Variants in SPIDR observed in about 807,000 individuals in gnomAD.
SPIDR encodes the protein DNA repair-scaffolding protein.
In SPIDR, 93 loss-of-function variants were observed where a neutral mutation model predicts 104.6. The ratio of observed to expected loss-of-function variants is 0.89; its 90% CI spans 0.75 to 1.06. SPIDR has a LOEUF of 1.06. SPIDR is among the 50% of genes least tolerant of loss of function. The pLI is 0.00. For missense variants in SPIDR, 1,154 were observed against 1,111.2 expected, an observed-to-expected ratio of 1.04 and a Z score of -0.55; for synonymous variants, 431 against 416.9, an observed-to-expected ratio of 1.03 and a Z score of -0.41.
chr8:47,453,036 A>G lies in SPIDR; in HGVS notation c.1097+12494A>G, dbSNP rs184882093. On this transcript the variant is annotated intron_variant, in intron 8 of 19. Transcript: ENST00000297423. ...AAGTCTCAGGATACAAAATCAATGT[A>G]CAAAAATCACAAGCATTCTTATACA... Among the ~76,000 whole-genome samples, 571 of 152,242 alleles carry G rather than the reference A, an allele frequency of 3.8e-3. 7 individuals carry two copies. Among genetic ancestry groups the G allele is most frequent in the African/African-American group, 0.012 (508 of 41,546 alleles).
At chr8:47,573,398 T>A (rs1188644276) in intron 8 of SPIDR, among the ~76,000 whole-genome samples, 2 of 152,248 alleles carry the variant, frequency 1.3e-5, no homozygotes, top group African/African-American at 2.4e-5. Flanking sequence ...TCAGTAGTCC[T>A]CTGTGATAAG....
intron 5 of SPIDR, among the ~76,000 whole-genome samples, chr8:47,349,699 G>A (rs558320505): frequency 6.0e-4 from 92 of 152,330 alleles, no homozygotes; most frequent in African/African-American, 1.8e-3. Context: ...CCCCAGCATC[G>A]CTGCCACCTC....
chr8:47,383,875 C>G (rs1554646813), intron 5 of SPIDR, among the ~76,000 whole-genome samples: 1 of 152,082 alleles, frequency 6.6e-6, no homozygotes, highest in African/African-American at 2.4e-5. Context: ...TTGCTTTTAT[C>G]TTTTTGACTC....
chr8:47,352,597 G>A (rs377162768), intron 5 of SPIDR, among the ~76,000 whole-genome samples: 5 of 152,242 alleles, frequency 3.3e-5, no homozygotes, highest in East Asian at 3.9e-4. Flanking sequence ...CACTCTGAAC[G>A]CTTTAGGCCT....
At chr8:47,468,574 G>T (rs2075247353) in intron 8 of SPIDR, among the ~76,000 whole-genome samples, 1 of 152,134 alleles carries the variant, frequency 6.6e-6, no homozygotes. Context: ...TCTGATCCTT[G>T]ACAGTGCTGA....
intron 8 of SPIDR, among the ~76,000 whole-genome samples, chr8:47,538,993 T>TG (rs1326807440): frequency 6.6e-6 from 1 of 151,494 alleles, no homozygotes; most frequent in Non-Finnish European, 1.5e-5. Flanking sequence ...CCCAAGTAGC[T>TG]GGGATTACAG....
chr8:47,356,042 A>G (rs972464806), intron 5 of SPIDR, among the ~76,000 whole-genome samples: 11 of 152,154 alleles, frequency 7.2e-5, no homozygotes, highest in African/African-American at 2.4e-4. Context: ...CAGGATCATC[A>G]TGAATGAGTG....
chr8:47,427,653 G>T (rs1340153106), intron 7 of SPIDR, among the ~76,000 whole-genome samples: 1 of 152,194 alleles, frequency 6.6e-6, no homozygotes, highest in Non-Finnish European at 1.5e-5. Context: ...TGCACCAGAT[G>T]CAGGGGAACG....
At position 47,335,481 on chromosome 8, in the gene SPIDR, C is replaced by T. The variant is rs189274058; in HGVS notation, c.525+41451C>T. The stretch of plus-strand genomic sequence containing the variant: ...TGGTTTCTTTTTGAAATGGGAGTCT[C>T]GTTCTCTTGCCCAGGCTGGAGTGCA... On this transcript the variant is annotated intron_variant, in intron 5 of 19. Coordinates refer to ENST00000297423, the MANE Select transcript of SPIDR (RefSeq NM_001080394.4). 3.3e-5 allele frequency among the ~76,000 whole-genome samples: 5 copies of T among 152,258 alleles called. No homozygotes were observed. In the East Asian group the frequency reaches 7.7e-4, roughly 23 times the overall value.
rs575728470 is a variant in SPIDR, at chr8:47,484,151, C to T, written c.1097+43609C>T. ...CCAAGTGCTTGACACGTGACCTCAC[C>T]GAAAGAAGTCACTTAATAAAGTGCG... On this transcript the variant is annotated intron_variant, in intron 8 of 19. Transcript: ENST00000297423. Among the ~76,000 whole-genome samples the T allele has an allele frequency of 8.8e-4, 134 of 152,218 alleles. 1 individual carries two copies. The highest frequency in any genetic ancestry group is 3.0e-3 in the African/African-American group (125 of 41,542).
intron 8 of SPIDR, among the ~76,000 whole-genome samples, chr8:47,482,003 A>G (rs1285389468): frequency 1.3e-5 from 2 of 152,174 alleles, no homozygotes; most frequent in Non-Finnish European, 2.9e-5. Context: ...ACATTTTGGC[A>G]TGGTTCTTCA....
chr8:47,658,883 C>T (rs1034137298), intron 10 of SPIDR, among the ~76,000 whole-genome samples: 1 of 150,502 alleles, frequency 6.6e-6, no homozygotes, highest in African/African-American at 2.5e-5. Context: ...TTGCAGTGAG[C>T]CAAGATAGCG....
chr8:47,553,171 C>G (rs2090823220), intron 8 of SPIDR, among the ~76,000 whole-genome samples: 2 of 152,162 alleles, frequency 1.3e-5, no homozygotes, highest in South Asian at 2.1e-4. Context: ...GTAACTCGAC[C>G]TTTCTCTCTG....
intron 7 of SPIDR, 125 bp from the exon 8 acceptor site, chr8:47,440,198 A>C (rs1554695432): frequency 5.2e-6 from 4 of 770,670 alleles, no homozygotes; most frequent in Non-Finnish European, 8.3e-6. Flanking sequence ...CAAAATGTGG[A>C]GACCATTTTC....
intron 7 of SPIDR, among the ~76,000 whole-genome samples, chr8:47,437,958 A>G (rs1049890500): frequency 6.6e-6 from 1 of 152,262 alleles, no homozygotes; most frequent in Admixed American, 6.5e-5. Flanking sequence ...GTCAGGCAGT[A>G]TGATGCATCT....
At chr8:47,565,992 ATTTTTTTTTTTTT>A (rs768002878) in intron 8 of SPIDR, among the ~76,000 whole-genome samples, 6 of 14,952 alleles carry the variant, frequency 4.0e-4, no homozygotes, top group Admixed American at 3.2e-3. Context: ...ATATATATAT[ATTTTTTTTTTTTT>A]TTTTTTTTTT....
chr8:47,348,965 T>C (rs1395853950), intron 5 of SPIDR, among the ~76,000 whole-genome samples: 2 of 152,224 alleles, frequency 1.3e-5, no homozygotes, highest in Non-Finnish European at 2.9e-5. Context: ...CTTGTCAAAG[T>C]CATTCTCCGT....
intron 7 of SPIDR, among the ~76,000 whole-genome samples, chr8:47,416,930 C>T (rs1350408621): frequency 6.6e-6 from 1 of 152,128 alleles, no homozygotes; most frequent in African/African-American, 2.4e-5. Context: ...CCAGCTTCAT[C>T]CATGTCCCTA....
chr8:47,386,173 A>G (rs1045150540), intron 5 of SPIDR, among the ~76,000 whole-genome samples: 4 of 152,038 alleles, frequency 2.6e-5, no homozygotes, highest in African/African-American at 9.7e-5. Context: ...AGGAATATCA[A>G]TTTGGGTATA....
Sources: gnomAD v4.1 joint callset for allele counts (sites outside exome capture counted in the v4.1 genomes callset) on GRCh38, gnomAD v4.1.1 for gene constraint, MANE v1.5 for transcripts, NCBI Gene and HGNC (gene_info 2026-07-23, HGNC 2026-07-21) for gene names.